COP1: variants seen among roughly 807,000 people sequenced by gnomAD.
The protein encoded by COP1 is COP1 E3 ubiquitin ligase.
COP1 carries 24 observed loss-of-function variants against 101.3 expected under a neutral mutation model. That is an observed-to-expected ratio of 0.24 (90% CI 0.17 to 0.33). COP1 has a LOEUF of 0.33. Ranked by LOEUF, COP1 falls within the 10% of genes least tolerant of loss-of-function variation. COP1 has a pLI of 1.00. For synonymous variants in COP1, 347 were observed against 341.9 expected (o/e 1.01, Z -0.17); for missense variants, 663 against 906.2 (o/e 0.73, Z 3.45).
chr1:176,152,907 T>G (rs1196613977), intron 5 of COP1, among the ~76,000 whole-genome samples: 1 of 152,186 alleles, frequency 6.6e-6, no homozygotes, highest in African/African-American at 2.4e-5. Flanking sequence ...TCTAGAACAC[T>G]ACAGTATTTT....
At chr1:176,105,038 T>C (rs1343894418) in intron 9 of COP1, among the ~76,000 whole-genome samples, 1 of 151,972 alleles carries the variant, frequency 6.6e-6, no homozygotes, top group African/African-American at 2.4e-5. Context: ...AGAAAAAAAA[T>C]TACTAGAAAG....
At chr1:176,185,338 G>T (rs980240922) in intron 1 of COP1, among the ~76,000 whole-genome samples, 1 of 152,160 alleles carries the variant, frequency 6.6e-6, no homozygotes, top group Non-Finnish European at 1.5e-5. Flanking sequence ...CAGCTAAGAA[G>T]TAACAAAGTC....
At chr1:176,045,854 A>G (rs1338327666) in intron 12 of COP1, among the ~76,000 whole-genome samples, 1 of 151,962 alleles carries the variant, frequency 6.6e-6, no homozygotes, top group East Asian at 1.9e-4. Context: ...ATGTTCAAAT[A>G]CTATTCATAA....
At chr1:176,146,581 ATTG>A (rs1189210975) in intron 6 of COP1, among the ~76,000 whole-genome samples, 3 of 152,196 alleles carry the variant, frequency 2.0e-5, no homozygotes, top group Admixed American at 6.6e-5. Context: ...TGACAAAAAA[ATTG>A]TTATCTCTTT....
chr1:176,183,982 T>C (rs186740966), intron 2 of COP1, among the ~76,000 whole-genome samples: 94 of 152,164 alleles, frequency 6.2e-4, no homozygotes, highest in African/African-American at 1.9e-3. Flanking sequence ...AGTTTCAGTT[T>C]TGCACAAAAA....
chr1:176,093,449 C>T (rs1373730051), intron 9 of COP1, among the ~76,000 whole-genome samples: 4 of 152,082 alleles, frequency 2.6e-5, no homozygotes, highest in Admixed American at 2.0e-4. Flanking sequence ...TGGCTCATGC[C>T]TGTACTCCCA....
In COP1 at chr1:176,045,581, GAAAA is replaced by G. The variant is rs533930344; in HGVS notation, c.1421+596_1421+599del. 4.9e-5 allele frequency among the ~76,000 whole-genome samples: 5 copies of G among 101,150 alleles called. No individual in the cohort carries two copies. The East Asian group carries it at 1.5e-3, about 31-fold the overall frequency. 66.4% of individuals were successfully genotyped at this position (101,150 alleles called of 152,430 possible). On this transcript the variant is annotated intron_variant, in intron 12 of 19. Transcript: ENST00000367669. Reference sequence around the variant, plus strand: ...ACAGCTTGGGAAGCTTGTTTAGAAGGAAAAAAAAAAAAAAAAAAGCAGATTCTAG... The same window carrying G: ...ACAGCTTGGGAAGCTTGTTTAGAAGGAAAAAAAAAAAAAAGCAGATTCTAG...
Position 176,000,064 on chromosome 1 carries a change from C to A in COP1, c.1730-10585G>T, listed in dbSNP as rs1425881557. Among the ~76,000 whole-genome samples the A allele has an allele frequency of 2.0e-5, 3 of 152,038 alleles. No homozygotes were observed. In the East Asian group the frequency reaches 5.8e-4, roughly 29 times the overall value. ...TTTTCTCCCATTCTGTGGGTTGTCTCTGCACTTTGTTGACTGTTGCCTTCG... is the reference window on the plus strand; with the variant it reads ...TTTTCTCCCATTCTGTGGGTTGTCTATGCACTTTGTTGACTGTTGCCTTCG... On this transcript the variant is annotated intron_variant, in intron 15 of 19. Transcript: ENST00000367669.
intron 14 of COP1, among the ~76,000 whole-genome samples, chr1:176,040,339 G>A (rs920542040): frequency 6.6e-6 from 1 of 151,472 alleles, no homozygotes; most frequent in African/African-American, 2.4e-5. Flanking sequence ...TTTCTGAGAT[G>A]GGGTCTTGCT....
At chr1:175,945,406 G>A (rs144548878) in intron 19 of COP1, among the ~76,000 whole-genome samples, 73 of 152,304 alleles carry the variant, frequency 4.8e-4, no homozygotes, top group African/African-American at 1.5e-3. Flanking sequence ...AGCCTTCAAG[G>A]TAAACTACAT....
At chr1:175,952,979 A>G (rs1650138215) in intron 18 of COP1, among the ~76,000 whole-genome samples, 2 of 152,302 alleles carry the variant, frequency 1.3e-5, no homozygotes, top group South Asian at 4.1e-4. Context: ...TATAAAAGAT[A>G]TTTGATTTCT....
chr1:176,114,327 A>G (rs1685807630), intron 9 of COP1, among the ~76,000 whole-genome samples: 1 of 152,198 alleles, frequency 6.6e-6, no homozygotes, highest in Admixed American at 6.5e-5. Context: ...AAATGCATGC[A>G]TTGTACATGA....
In COP1 at chr1:176,058,529, T is replaced by A. The variant is rs372909396; in HGVS notation, c.1278-12205A>T. Among the ~76,000 whole-genome samples, 396 of 152,284 alleles carry A rather than the reference T, an allele frequency of 2.6e-3. 3 individuals are homozygous for A. The highest frequency in any genetic ancestry group is 9.1e-3 in the African/African-American group (379 of 41,550). ...TAAATGGATTAAGGGCGGTGCAAGA[T>A]GTGCTTTGTTAAACAGATGATTGAA... On this transcript the variant is annotated intron_variant, in intron 11 of 19. Coordinates refer to ENST00000367669, the MANE Select transcript of COP1 (RefSeq NM_022457.7).
intron 18 of COP1, among the ~76,000 whole-genome samples, chr1:175,962,544 G>C (rs1192389085): frequency 6.6e-6 from 1 of 152,074 alleles, no homozygotes; most frequent in East Asian, 1.9e-4. Context: ...TTTTCATTGG[G>C]GGTTTTCTTT....
chr1:175,967,870 T>C (rs1203787079), intron 18 of COP1, among the ~76,000 whole-genome samples: 1 of 152,096 alleles, frequency 6.6e-6, no homozygotes, highest in Admixed American at 6.5e-5. Context: ...TAATATTTCT[T>C]TTTTCTTTTT....
chr1:176,160,253 A>G, intron 5 of COP1: 1 of 349,112 alleles, frequency 2.9e-6, no homozygotes, highest in East Asian at 9.2e-5. Flanking sequence ...GCCCACACAC[A>G]TCTTTTTTTT....
intron 9 of COP1, among the ~76,000 whole-genome samples, chr1:176,086,772 T>C (rs910681374): frequency 1.3e-5 from 2 of 152,122 alleles, no homozygotes; most frequent in African/African-American, 4.8e-5. Flanking sequence ...AAAGTTCATA[T>C]GGAACCAAAA....
At chr1:176,074,185 G>C (rs2502825) in intron 11 of COP1, among the ~76,000 whole-genome samples, 131,037 of 152,182 alleles carry the variant, frequency 0.86, 58,589 homozygotes, top group Non-Finnish European at 0.98. Context: ...CCTCGGCCCC[G>C]CAAAGTGCTG....
At chr1:175,947,338 C>G in intron 18 of COP1, 99 bp from the exon 19 acceptor site, 1 of 817,708 alleles carries the variant, frequency 1.2e-6, no homozygotes, top group Non-Finnish European at 2.1e-6. Context: ...CACTTCAATT[C>G]CTAAGACAAT....
Sources: gnomAD v4.1 joint callset for allele counts (sites outside exome capture counted in the v4.1 genomes callset) on GRCh38, gnomAD v4.1.1 for gene constraint, MANE v1.5 for transcripts, NCBI Gene and HGNC (gene_info 2026-07-23, HGNC 2026-07-21) for gene names.